HUWE1: variants seen among roughly 807,000 people sequenced by gnomAD.
The protein encoded by HUWE1 is HECT, UBA and WWE domain containing E3 ubiquitin protein ligase 1.
A neutral mutation model predicts 299.4 loss-of-function variants in HUWE1; 18 were observed. The observed-to-expected ratio is 0.06, with a 90% CI of 0.04 to 0.09. The LOEUF is 0.09. Among genes scored for constraint, HUWE1 ranks in the 10% least tolerant of loss-of-function variants. The pLI is 1.00. For synonymous variants in HUWE1, 1,317 were observed against 1,286.1 expected, an observed-to-expected ratio of 1.02 and a Z score of -0.51; for missense variants, 1,832 against 3,462.3, an observed-to-expected ratio of 0.53 and a Z score of 11.82.
Position 53,534,212 on chromosome X carries a change from C to T in HUWE1, c.12832-15G>A. On this transcript the variant is annotated splice_polypyrimidine_tract_variant and intron_variant, in intron 82 of 83. Coordinates refer to ENST00000262854, the MANE Select transcript of HUWE1 (RefSeq NM_031407.7). ...AACCACTGGATCTGTAGGAAGGGAC[C>T]CATGAAGCCAGTGTTAGGTAGAAAG... 4 of 1,192,254 alleles carry T rather than the reference C, an allele frequency of 3.4e-6. No homozygotes were observed. Among genetic ancestry groups the T allele is most frequent in the Non-Finnish European group, 4.6e-6 (4 of 878,742 alleles).
In HUWE1 at chrX:53,615,610, G is replaced by A. The variant is rs937654406; in HGVS notation, c.2049+134C>T. 13 of 511,013 alleles carry A rather than the reference G, an allele frequency of 2.5e-5. No homozygotes were observed. In the African/African-American group the frequency reaches 2.6e-4, roughly 10 times the overall value. 42.1% of individuals were successfully genotyped at this position (511,013 alleles called of 1,213,427 possible). ...TATAAAGGACCAACCTAAGGACATGGAAACAATGAGGCAGACATAATGCTC... is the reference window on the plus strand; with the variant it reads ...TATAAAGGACCAACCTAAGGACATGAAAACAATGAGGCAGACATAATGCTC... On this transcript the variant is annotated intron_variant, in intron 22 of 83. Coordinates refer to ENST00000262854, the MANE Select transcript of HUWE1 (RefSeq NM_031407.7).
At chrX:53,543,430 G>C (rs1375405174) in intron 73 of HUWE1, among the ~76,000 whole-genome samples, 4 of 111,006 alleles carry the variant, frequency 3.6e-5, no homozygotes, top group African/African-American at 1.3e-4. Context: ...AGCAGCCACA[G>C]ACAGAAGTGG....
At chrX:53,550,826 T>C in intron 65 of HUWE1, 58 bp from the exon 66 acceptor site, 1 of 1,192,860 alleles carries the variant, frequency 8.4e-7, no homozygotes, top group Non-Finnish European at 1.1e-6. Flanking sequence ...TGGATATAGG[T>C]AATACAAAGG....
At position 53,562,342 on chromosome X, in the gene HUWE1, T is replaced by C. The variant is rs1019249595; in HGVS notation, c.7205-98A>G. ...CTGAGTGGGAAGGTGATGGGATATC[T>C]GACTCTATGAGAGGAAGAACCAGAT... On this transcript the variant is annotated intron_variant, in intron 53 of 83. Transcript: ENST00000262854. 25 of 1,038,312 alleles carry C rather than the reference T, an allele frequency of 2.4e-5. No homozygotes were observed. The South Asian group carries it at 4.8e-4, about 20-fold the overall frequency. The allele number at this position is 1,038,312 out of a possible 1,213,427, so 85.6% of individuals were successfully genotyped here.
chrX:53,565,166 T>C lies in HUWE1; in HGVS notation c.6781A>G (p.Ser2261Gly). Reference protein sequence around the residue: ...ETLSRIVNQPSSLFGSKSASS... With the variant: ...ETLSRIVNQPGSLFGSKSASS... ...GCACTCTTGCTGCCAAAAAGGCTAC[T>C]GGGCTGGTTCACAATCCGGGAAAGT... is the stretch of plus-strand genomic sequence containing the variant. Residue 2261 changes from serine to glycine, a missense_variant, in exon 50 of 84, where the codon AGT (serine) becomes GGT (glycine). Coordinates refer to ENST00000262854, the MANE Select transcript of HUWE1 (RefSeq NM_031407.7). 1 of 1,211,581 alleles carries C rather than the reference T, an allele frequency of 8.3e-7. No homozygotes were observed. The highest frequency in any genetic ancestry group is 1.8e-5 in the South Asian group (1 of 56,995).
intron 32 of HUWE1, 94 bp downstream of exon 32, chrX:53,593,270 A>G: frequency 1.5e-6 from 1 of 660,027 alleles, no homozygotes; most frequent in Non-Finnish European, 2.5e-6. Flanking sequence ...AGTGGTTCTT[A>G]AATAAGCATG....
chrX:53,653,445 G>A (rs1450678687), intron 4 of HUWE1, among the ~76,000 whole-genome samples: 2 of 111,304 alleles, frequency 1.8e-5, no homozygotes, highest in African/African-American at 6.5e-5. Flanking sequence ...TCTGAACTAA[G>A]CACAAGGGGT....
chrX:53,546,712 A>C lies in HUWE1; in HGVS notation c.10750T>G (p.Ser3584Ala). 1 of 1,211,271 alleles carries C rather than the reference A, an allele frequency of 8.3e-7. No individual in the cohort carries two copies. The highest frequency in any genetic ancestry group is 3.0e-5 in the East Asian group (1 of 33,858). The stretch of plus-strand genomic sequence containing the variant: ...GAAGAGCTTGGACTCACCTCTACAG[A>C]GAGCTGTAGCTGGTTTTCAGTGAGG... ...SGLTENQLQL[S>A]VEVLTSHSCS... is the part of the protein sequence containing the mutation. Residue 3584 changes from serine to alanine, a missense_variant, in exon 69 of 84, where the codon TCT (serine) becomes GCT (alanine). Physicochemically the swap from Ser to Ala is moderately conservative, Grantham distance 99. This residue lies in a region of HUWE1 where 48 missense variants were observed against 87.0 expected (regional missense o/e 0.55). Coordinates refer to ENST00000262854, the MANE Select transcript of HUWE1 (RefSeq NM_031407.7).
In HUWE1 at chrX:53,686,644, T is replaced by TCCAGCCC. The variant is rs1557055758; in HGVS notation, c.-319_-318insGGGCTGG. The TCCAGCCC allele has an allele frequency of 4.8e-4, 55 of 114,660 alleles. 1 individual carries two copies. The highest frequency in any genetic ancestry group is 4.6e-3 in the Middle Eastern group (1 of 218). The allele number at this position is 114,660 out of a possible 1,213,427, so 9.4% of individuals were successfully genotyped here. ...GAGCGTGCGGGGTCCGCGGCCCTGC[T>TCCAGCCC]TCAGCCCTGCTTCAGCCCTGCTCCA... On this transcript the variant is annotated 5_prime_UTR_variant, in exon 1 of 84. Coordinates refer to ENST00000262854, the MANE Select transcript of HUWE1 (RefSeq NM_031407.7).
chrX:53,629,422 A>C, intron 13 of HUWE1, 94 bp downstream of exon 13: 6 of 563,734 alleles, frequency 1.1e-5, no homozygotes, highest in Non-Finnish European at 1.3e-5. Context: ...TGTATATGCA[A>C]ATATCCCCTC....
chrX:53,535,566 G>C (rs1456225389), intron 80 of HUWE1, 65 bp from the exon 81 acceptor site: 1 of 726,469 alleles, frequency 1.4e-6, no homozygotes, highest in African/African-American at 2.1e-5. Flanking sequence ...AGATACCTAG[G>C]AACACACCCT....
chrX:53,534,975 T>C (rs1333416052), intron 81 of HUWE1, among the ~76,000 whole-genome samples: 1 of 109,190 alleles, frequency 9.2e-6, no homozygotes, highest in Admixed American at 9.7e-5. Context: ...CTCACTCTGT[T>C]GCCCAGGCTG....
chrX:53,583,915 A>G lies in HUWE1; in HGVS notation c.5163T>C (p.Asp1721=), dbSNP rs1556970571. 1 of 1,167,405 alleles carries G rather than the reference A, an allele frequency of 8.6e-7. No homozygotes were observed. The highest frequency in any genetic ancestry group is 3.0e-5 in the East Asian group (1 of 33,705). ...TTGTACTCTCTAGGGCCAAAGGGGT[A>G]TCTATAAAATGGGAAAATAACAGTT... is the stretch of plus-strand genomic sequence containing the variant. ...DIKRKENKGN[D]TPLALESTNT... Residue 1721 remains aspartate (D), a splice_region_variant and synonymous_variant, in exon 42 of 84, where the codon GAT becomes GAC. Transcript: ENST00000262854.
At chrX:53,621,824 C>T (rs2066166916) in intron 19 of HUWE1, among the ~76,000 whole-genome samples, 1 of 112,235 alleles carries the variant, frequency 8.9e-6, no homozygotes, top group Non-Finnish European at 1.9e-5. Flanking sequence ...CTATATCTTG[C>T]TCCCTTGGAG....
At position 53,568,811 on chromosome X, in the gene HUWE1, G is replaced by A; in HGVS notation, c.6588C>T (p.Phe2196=). The part of the protein sequence containing the change: ...IMESCPSTSS[F]YSSATAKTQH... ...GGGTCTTCGCTGTGGCACTGCTGTA[G>A]AAGCTGGAGGTGGAGGGGCAGGACT... Residue 2196 remains phenylalanine, a synonymous_variant, in exon 49 of 84, where the codon TTC becomes TTT. Coordinates refer to ENST00000262854, the MANE Select transcript of HUWE1 (RefSeq NM_031407.7). 5.8e-6 allele frequency: 7 copies of A among 1,209,490 alleles called. No individual in the cohort carries two copies. The highest frequency in any genetic ancestry group is 7.8e-6 in the Non-Finnish European group (7 of 894,117).
At chrX:53,584,061 C>T (rs1343660005) in intron 41 of HUWE1, 125 bp downstream of exon 41, 11 of 819,629 alleles carry the variant, frequency 1.3e-5, no homozygotes, top group Non-Finnish European at 2.0e-5. Context: ...GATGAAAAAG[C>T]ATAAGGGAGG....
At chrX:53,640,320 A>C (rs1489358161) in intron 7 of HUWE1, among the ~76,000 whole-genome samples, 2 of 112,005 alleles carry the variant, frequency 1.8e-5, no homozygotes, top group Non-Finnish European at 3.8e-5. Context: ...ATATCGTGCA[A>C]CTGCACTCCA....
chrX:53,576,493 TAG>T (rs1158674652), intron 44 of HUWE1, among the ~76,000 whole-genome samples: 3 of 111,925 alleles, frequency 2.7e-5, no homozygotes, highest in Non-Finnish European at 5.7e-5. Flanking sequence ...ATGAAAACAT[TAG>T]AGACTTCCTG....
At chrX:53,561,617 GAT>G in intron 55 of HUWE1, 137 bp downstream of exon 55, 1 of 882,903 alleles carries the variant, frequency 1.1e-6, no homozygotes, top group South Asian at 2.2e-5. Flanking sequence ...GATGGATTCA[GAT>G]ATCCCTTGCC....
Sources: allele counts gnomAD v4.1 joint callset (sites outside exome capture counted in the v4.1 genomes callset), GRCh38; gene constraint gnomAD v4.1.1; regional missense constraint gnomAD v4.1.1; transcripts MANE v1.5; gene names NCBI Gene and HGNC (gene_info 2026-07-23, HGNC 2026-07-21).